GNAT2: variants seen among roughly 807,000 people sequenced by gnomAD.
GNAT2 encodes the protein G protein subunit alpha transducin 2.
GNAT2 carries 32 observed loss-of-function variants against 40.9 expected under a neutral mutation model. The observed-to-expected ratio is 0.78, with a 90% CI of 0.59 to 1.05. The LOEUF (loss-of-function observed/expected upper bound fraction) is 1.05, where lower values mean the gene tolerates loss of function less well. Among genes scored for constraint, GNAT2 ranks in the 50% least tolerant of loss-of-function variants. GNAT2 has a pLI of 0.00. For missense variants in GNAT2, 355 were observed against 431.5 expected, an observed-to-expected ratio of 0.82 and a Z score of 1.57; for synonymous variants, 141 against 157.2, an observed-to-expected ratio of 0.90 and a Z score of 0.77.
At position 109,603,512 on chromosome 1, in the gene GNAT2, T is replaced by C; in HGVS notation, c.907A>G (p.Ile303Val). Residue 303 changes from isoleucine (I) to valine (V), a missense_variant, in exon 9 of 9, where the codon ATA (isoleucine) becomes GTA (valine). Physicochemically the swap from Ile to Val is conservative, Grantham distance 29. Coordinates refer to ENST00000679935, the MANE Select transcript of GNAT2 (RefSeq NM_001377295.2). ...TTGAGGTCAAGGAACTGGCTCTTTATGTAATTCCCCGCATCATCATAGGAG... is the reference window on the plus strand; with the variant it reads ...TTGAGGTCAAGGAACTGGCTCTTTACGTAATTCCCCGCATCATCATAGGAG... ...NNSYDDAGNY[I>V]KSQFLDLNMR... 2.5e-6 allele frequency: 4 copies of C among 1,611,692 alleles called. No individual in the cohort carries two copies. In the African/African-American group the frequency reaches 5.3e-5, roughly 21 times the overall value.
chr1:109,612,871 A>G lies in GNAT2; in HGVS notation c.-1T>C, dbSNP rs1040644318. On this transcript the variant is annotated 5_prime_UTR_variant, in exon 2 of 9. Coordinates refer to ENST00000679935, the MANE Select transcript of GNAT2 (RefSeq NM_001377295.2). ...CCTCAGCACTGGCTCCACTTCCCAT[A>G]TTTGCCGTCTTGTCAGCTTTTTCAG... 2 of 1,591,784 alleles carry G rather than the reference A, an allele frequency of 1.3e-6. No homozygotes were observed. The highest frequency in any genetic ancestry group is 1.3e-5 in the African/African-American group (1 of 74,360).
intron 7 of GNAT2, chr1:109,605,178 C>A (rs534572872): frequency 9.2e-5 from 14 of 152,322 alleles, no homozygotes; most frequent in Non-Finnish European, 1.9e-4. Flanking sequence ...ACATTTTTCA[C>A]GCCTCTAACC....
chr1:109,614,932 A>G (rs1649908027), intron 1 of GNAT2: 1 of 152,208 alleles, frequency 6.6e-6, no homozygotes, highest in South Asian at 2.1e-4. Flanking sequence ...AATTGTGACT[A>G]TCTTGGAATC....
chr1:109,612,707 A>G (rs1192228405), intron 2 of GNAT2, 46 bp downstream of exon 2: 2 of 1,170,682 alleles, frequency 1.7e-6, no homozygotes, highest in South Asian at 2.4e-5. Context: ...TCAGGAAAGT[A>G]GGAAGGACCC....
rs377096148 is a variant in GNAT2, at chr1:109,605,961, G to T, written c.720+9C>A. 1.9e-6 allele frequency: 3 copies of T among 1,612,784 alleles called. No homozygotes were observed. Among genetic ancestry groups the T allele is most frequent in the Non-Finnish European group, 2.5e-6 (3 of 1,179,168 alleles). On this transcript the variant is annotated intron_variant, in intron 7 of 8. Transcript: ENST00000679935. ...TCTACCAAAGCTGCTTGATGCAAAG[G>T]CCACTCACCACTTCGTCATCTTCCA...
chr1:109,611,676 T>G (rs1485205370), intron 2 of GNAT2: 2 of 152,098 alleles, frequency 1.3e-5, no homozygotes, highest in African/African-American at 4.8e-5. Flanking sequence ...CCTATTTCGC[T>G]TGTGCTTGTT....
At chr1:109,613,403 A>T in intron 1 of GNAT2, 1 of 179,756 alleles carries the variant, frequency 5.6e-6, no homozygotes, top group Non-Finnish European at 1.2e-5. Flanking sequence ...ATCAAAGCAT[A>T]CTCGTTTACC....
At chr1:109,604,503 A>C (rs1412823629) in intron 7 of GNAT2, 1 of 243,164 alleles carries the variant, frequency 4.1e-6, no homozygotes, top group Non-Finnish European at 8.2e-6. Context: ...AATGGGTTGA[A>C]ACAGGCCCAA....
intron 1 of GNAT2, chr1:109,614,208 C>T (rs1649885657): frequency 6.6e-6 from 1 of 152,184 alleles, no homozygotes; most frequent in Non-Finnish European, 1.5e-5. Flanking sequence ...CGCAGTTTAA[C>T]AAGATCTCAG....
Position 109,603,103 on chromosome 1 carries a change from A to G in GNAT2, c.*251T>C. On this transcript the variant is annotated 3_prime_UTR_variant, in exon 9 of 9. Transcript: ENST00000679935. The stretch of plus-strand genomic sequence containing the variant: ...CAAGACTCAGAAATAAAGTATTCAC[A>G]GTTTTGTATTAAGTTGGAAAACCAG... The G allele has an allele frequency of 1.8e-6, 1 of 545,266 alleles. No individual in the cohort carries two copies. Among genetic ancestry groups the G allele is most frequent in the Non-Finnish European group, 3.3e-6 (1 of 305,046 alleles). 33.8% of individuals were successfully genotyped at this position (545,266 alleles called of 1,614,324 possible).
chr1:109,606,656 TC>T, intron 5 of GNAT2: 2 of 521,292 alleles, frequency 3.8e-6, no homozygotes, highest in Non-Finnish European at 6.9e-6. Flanking sequence ...AGGCTGGAGT[TC>T]CAGCGCATTT....
At chr1:109,617,399 G>A (rs1649977205) in intron 1 of GNAT2, 1 of 152,224 alleles carries the variant, frequency 6.6e-6, no homozygotes, top group South Asian at 2.1e-4. Context: ...AGGAAGCTGT[G>A]TTTGGAGCTA....
rs954736247 is a variant in GNAT2, at chr1:109,609,960, A to G, written c.303+80T>C. On this transcript the variant is annotated intron_variant, in intron 4 of 8. Transcript: ENST00000679935. ...CTATTTTTCTTACCCATCTTTCCAT[A>G]TAGTTTGTTGGCCTCTGGTATGTTT... The G allele has an allele frequency of 3.7e-6, 5 of 1,364,224 alleles. No individual in the cohort carries two copies. In the African/African-American group the frequency reaches 7.1e-5, roughly 19 times the overall value. The allele number at this position is 1,364,224 out of a possible 1,614,324, so 84.5% of individuals were successfully genotyped here.
At chr1:109,605,755 T>C in intron 7 of GNAT2, 1 of 524,318 alleles carries the variant, frequency 1.9e-6, no homozygotes, top group Admixed American at 2.7e-5. Context: ...GAGACCAAGC[T>C]CACTGTCAGT....
chr1:109,605,877 C>T, intron 7 of GNAT2, 93 bp downstream of exon 7: 1 of 1,135,464 alleles, frequency 8.8e-7, no homozygotes. Context: ...CTGAAATTAC[C>T]TAAGTTGGGG....
intron 4 of GNAT2, 187 bp from the exon 5 acceptor site, chr1:109,608,975 G>A: frequency 4.6e-6 from 3 of 656,486 alleles, no homozygotes; most frequent in Non-Finnish European, 8.3e-6. Context: ...CAGATGCAGA[G>A]GGTGGCACTA....
intron 7 of GNAT2, 42 bp from the exon 8 acceptor site, chr1:109,604,146 A>G (rs780408207): frequency 1.1e-5 from 17 of 1,496,180 alleles, no homozygotes; most frequent in South Asian, 4.5e-5. Flanking sequence ...GATTTGGCTT[A>G]TAGAATATCT....
Position 109,606,118 on chromosome 1 carries a change from A to AAAT in GNAT2, c.591-20_591-19insATT. The AAAT allele has an allele frequency of 6.2e-7, 1 of 1,613,880 alleles. No individual in the cohort carries two copies. The highest frequency in any genetic ancestry group is 8.5e-7 in the Non-Finnish European group (1 of 1,179,812). On this transcript the variant is annotated intron_variant, in intron 6 of 8. Transcript: ENST00000679935. ...AAACATCCTGAGGGAAGAAGCAGCT[A>AAAT]TTTTCATAGGTATGCCCAACATACG...
At chr1:109,604,417 G>T (rs1557918067) in intron 7 of GNAT2, 2 of 381,146 alleles carry the variant, frequency 5.2e-6, no homozygotes, top group East Asian at 1.2e-4. Context: ...CTGGCATATA[G>T]GTCTATAATG....
Sources: gnomAD v4.1 joint callset for allele counts on GRCh38, gnomAD v4.1.1 for gene constraint, MANE v1.5 for transcripts, NCBI Gene and HGNC (gene_info 2026-07-23, HGNC 2026-07-21) for gene names.